Variants in CELF4 observed in about 807,000 individuals in gnomAD.
CELF4 encodes the protein CUG-BP- and ETR-3-like factor 4.
A neutral mutation model predicts 59.9 loss-of-function variants in CELF4; 18 were observed. That is an observed-to-expected ratio of 0.30 (90% CI 0.21 to 0.45). The LOEUF is 0.45. Ranked by LOEUF, CELF4 falls within the 20% of genes least tolerant of loss-of-function variation. CELF4 has a pLI of 1.00. For missense variants in CELF4, 456 were observed against 689.0 expected, an observed-to-expected ratio of 0.66 and a Z score of 3.79; for synonymous variants, 261 against 267.1, an observed-to-expected ratio of 0.98 and a Z score of 0.22.
intron 1 of CELF4, among the ~76,000 whole-genome samples, chr18:37,502,397 G>T (rs981160905): frequency 6.6e-6 from 1 of 152,138 alleles, no homozygotes; most frequent in African/African-American, 2.4e-5. Flanking sequence ...AGGAAGGGGG[G>T]GCAGGGAGAG....
rs760826126 is a variant in CELF4 at position 37,270,760 on chromosome 18, G to A, written c.1099+8C>T. On this transcript the variant is annotated splice_region_variant and intron_variant, in intron 8 of 12. Transcript: ENST00000420428. Reference sequence around the variant, plus strand: ...CATACGGAAATAAGTGCTGACAGATGTGCTTACCTGGGTAGGGGTGGATGC... The same window carrying A: ...CATACGGAAATAAGTGCTGACAGATATGCTTACCTGGGTAGGGGTGGATGC... 3.1e-6 allele frequency: 5 copies of A among 1,613,924 alleles called. No individual in the cohort carries two copies. The Admixed American group carries it at 6.7e-5, about 22-fold the overall frequency.
chr18:37,275,314 G>T (rs538503560), intron 3 of CELF4, 71 bp from the exon 4 acceptor site: 4 of 1,553,730 alleles, frequency 2.6e-6, no homozygotes, highest in East Asian at 2.4e-5. Context: ...AAGGCCGGAG[G>T]GGGAGAGCGG....
At chr18:37,552,347 G>A (rs1343200702) in intron 1 of CELF4, among the ~76,000 whole-genome samples, 1 of 152,224 alleles carries the variant, frequency 6.6e-6, no homozygotes. Context: ...CTTTCCTGCA[G>A]GGGGCCATGG....
chr18:37,518,046 G>T (rs1603643218), intron 1 of CELF4, among the ~76,000 whole-genome samples: 1 of 152,164 alleles, frequency 6.6e-6, no homozygotes, highest in East Asian at 1.9e-4. Context: ...CACCAGAGCT[G>T]GTGGGTGGCA....
intron 1 of CELF4, among the ~76,000 whole-genome samples, chr18:37,514,287 C>T (rs116427220): frequency 0.016 from 2,414 of 152,224 alleles, 68 homozygotes; most frequent in African/African-American, 0.054. Flanking sequence ...TCCCCTCTCT[C>T]TCCTAGGACG....
intron 11 of CELF4, among the ~76,000 whole-genome samples, chr18:37,258,104 A>G (rs986879397): frequency 2.0e-5 from 3 of 152,196 alleles, no homozygotes; most frequent in Non-Finnish European, 4.4e-5. Flanking sequence ...TTAACTGGCC[A>G]TCTATATTTT....
chr18:37,299,222 G>C (rs2095852280), intron 3 of CELF4, among the ~76,000 whole-genome samples: 1 of 152,194 alleles, frequency 6.6e-6, no homozygotes, highest in African/African-American at 2.4e-5. Flanking sequence ...TGCAGCAGGG[G>C]CCAGCCTCAG....
At chr18:37,510,575 T>G (rs948544) in intron 1 of CELF4, among the ~76,000 whole-genome samples, 4 of 152,278 alleles carry the variant, frequency 2.6e-5, no homozygotes, top group Admixed American at 2.6e-4. Context: ...TCATGAGCTC[T>G]CCACTTACAG....
chr18:37,492,367 G>C (rs2099908738), intron 1 of CELF4, among the ~76,000 whole-genome samples: 1 of 152,168 alleles, frequency 6.6e-6, no homozygotes, highest in Admixed American at 6.5e-5. Context: ...CTGCACCTGA[G>C]AATCACCTGG....
chr18:37,266,440 T>C (rs1257818847), intron 9 of CELF4, 93 bp downstream of exon 9: 1 of 1,233,298 alleles, frequency 8.1e-7, no homozygotes, highest in South Asian at 1.3e-5. Context: ...CCCCATGCAG[T>C]GCTGGCCCCA....
Position 37,540,550 on chromosome 18 carries a change from A to G in CELF4, c.286+24806T>C, listed in dbSNP as rs572696751. On this transcript the variant is annotated intron_variant, in intron 1 of 12. Coordinates refer to ENST00000420428, the MANE Select transcript of CELF4 (RefSeq NM_020180.4). Reference sequence around the variant, plus strand: ...GGATATGTGGGCCACAAGGACACAGATCGTGGGGCAAGCTGGGTGGGAAGG... The same window carrying G: ...GGATATGTGGGCCACAAGGACACAGGTCGTGGGGCAAGCTGGGTGGGAAGG... Among the ~76,000 whole-genome samples, 155 of 152,244 alleles carry G rather than the reference A, an allele frequency of 1.0e-3. 2 individuals are homozygous for G. Among genetic ancestry groups the G allele is most frequent in the African/African-American group, 3.2e-3 (134 of 41,548 alleles).
At chr18:37,487,507 C>T (rs959077672) in intron 1 of CELF4, among the ~76,000 whole-genome samples, 1 of 152,198 alleles carries the variant, frequency 6.6e-6, no homozygotes, top group African/African-American at 2.4e-5. Context: ...CCGTCCTCCT[C>T]CCTCCTGGTC....
At chr18:37,295,672 C>G (rs1464629650) in intron 3 of CELF4, among the ~76,000 whole-genome samples, 1 of 152,210 alleles carries the variant, frequency 6.6e-6, no homozygotes, top group Non-Finnish European at 1.5e-5. Context: ...AGAAGTTCAC[C>G]TACAATCAAA....
At chr18:37,509,944 A>C (rs2099942366) in intron 1 of CELF4, among the ~76,000 whole-genome samples, 1 of 152,238 alleles carries the variant, frequency 6.6e-6, no homozygotes, top group South Asian at 2.1e-4. Flanking sequence ...TATAGGAAAC[A>C]TCCAGAATAA....
intron 2 of CELF4, among the ~76,000 whole-genome samples, chr18:37,412,096 T>G (rs1297693665): frequency 6.6e-6 from 1 of 152,192 alleles, no homozygotes; most frequent in Non-Finnish European, 1.5e-5. Flanking sequence ...GACCTCTGAG[T>G]CAGCCGTCCA....
chr18:37,286,524 T>C (rs2094793938), intron 3 of CELF4, among the ~76,000 whole-genome samples: 1 of 152,098 alleles, frequency 6.6e-6, no homozygotes, highest in Non-Finnish European at 1.5e-5. Flanking sequence ...AGTGAAAAAC[T>C]CAGTGCTGGG....
At chr18:37,313,621 C>T (rs767886390) in intron 3 of CELF4, among the ~76,000 whole-genome samples, 22 of 152,198 alleles carry the variant, frequency 1.4e-4, no homozygotes, top group African/African-American at 3.1e-4. Context: ...AGCCACTGGA[C>T]GCTGCCCCCA....
At chr18:37,361,224 A>G (rs1349370866) in intron 2 of CELF4, among the ~76,000 whole-genome samples, 1 of 152,208 alleles carries the variant, frequency 6.6e-6, no homozygotes, top group Non-Finnish European at 1.5e-5. Context: ...CTCAGCAAAC[A>G]TATCAACCCA....
At chr18:37,272,624 T>C (rs1394466969) in intron 7 of CELF4, among the ~76,000 whole-genome samples, 1 of 150,568 alleles carries the variant, frequency 6.6e-6, no homozygotes, top group African/African-American at 2.4e-5. Flanking sequence ...CCTTCTGTGC[T>C]TGGGCCAGGG....
Sources: gnomAD v4.1 joint callset for allele counts (sites outside exome capture counted in the v4.1 genomes callset) on GRCh38, gnomAD v4.1.1 for gene constraint, MANE v1.5 for transcripts, NCBI Gene and HGNC (gene_info 2026-07-23, HGNC 2026-07-21) for gene names.